MYH9: variants seen among roughly 807,000 people sequenced by gnomAD.
MYH9 encodes myosin-9.
MYH9 carries 29 observed loss-of-function variants against 241.9 expected under a neutral mutation model. The observed-to-expected ratio is 0.12, with a 90% CI of 0.09 to 0.16. The LOEUF (loss-of-function observed/expected upper bound fraction) is 0.16. Among genes scored for constraint, MYH9 ranks in the 10% least tolerant of loss-of-function variants. MYH9 has a pLI of 1.00. For synonymous variants in MYH9, 1,047 were observed against 1,062.6 expected (o/e 0.99, Z 0.29); for missense variants, 1,803 against 2,595.5 (o/e 0.69, Z 6.63).
At position 36,305,877 on chromosome 22, in the gene MYH9, T is replaced by TCACTG; in HGVS notation, c.2159+48_2159+52dup. On this transcript the variant is annotated intron_variant, in intron 17 of 40. Coordinates refer to ENST00000216181, the MANE Select transcript of MYH9 (RefSeq NM_002473.6). The surrounding 1 kb of genome is among the most constrained non-coding windows in gnomAD (Gnocchi z 4.7). ...GGGAGCAGCAGCCCACCTCTGGGAC[T>TCACTG]CACTGCACGCACAGCAGGGCCCAGG... 6.2e-7 allele frequency: 1 copy of TCACTG among 1,610,562 alleles called. No individual in the cohort carries two copies. Among genetic ancestry groups the TCACTG allele is most frequent in the East Asian group, 2.2e-5 (1 of 44,820 alleles).
intron 2 of MYH9, among the ~76,000 whole-genome samples, 188 bp downstream of exon 2, chr22:36,348,716 C>A (rs2017717979): frequency 6.6e-6 from 1 of 151,988 alleles, no homozygotes; most frequent in Non-Finnish European, 1.5e-5. Flanking sequence ...AAGAATAATG[C>A]TATAAGAACA....
intron 34 of MYH9, among the ~76,000 whole-genome samples, chr22:36,287,521 A>T (rs1440615823): frequency 2.6e-5 from 4 of 151,782 alleles, no homozygotes; most frequent in Non-Finnish European, 5.9e-5. Context: ...AGGCGGGTGG[A>T]TCACAAGGTC....
At chr22:36,355,944 T>C (rs866182834) in intron 1 of MYH9, among the ~76,000 whole-genome samples, 17 of 152,308 alleles carry the variant, frequency 1.1e-4, no homozygotes, top group African/African-American at 4.1e-4. Flanking sequence ...CCTTCCGACC[T>C]AAATTGCTGG....
At chr22:36,356,108 C>T (rs2017851471) in intron 1 of MYH9, among the ~76,000 whole-genome samples, 1 of 152,230 alleles carries the variant, frequency 6.6e-6, no homozygotes, top group African/African-American at 2.4e-5. Flanking sequence ...TCAGCCCAGA[C>T]ACTGGAAGCC....
intron 3 of MYH9, among the ~76,000 whole-genome samples, chr22:36,338,939 T>G (rs2017542128): frequency 6.6e-6 from 1 of 152,208 alleles, no homozygotes; most frequent in Admixed American, 6.5e-5. Flanking sequence ...ATTGCACAGA[T>G]GTACGAGGGT....
Position 36,285,386 on chromosome 22 carries a change from G to T in MYH9, c.5275-57C>A. The T allele has an allele frequency of 6.4e-7, 1 of 1,554,886 alleles. No individual in the cohort carries two copies. The highest frequency in any genetic ancestry group is 1.1e-5 in the South Asian group (1 of 89,984). ...GGCTGGGGCCCTGGCTGGAGGGCAT[G>T]AGCAGGGCCAGAGGAAGGTGGCAGC... On this transcript the variant is annotated intron_variant, in intron 37 of 40. Transcript: ENST00000216181. The surrounding 1 kb of genome is among the most constrained non-coding windows in gnomAD (Gnocchi z 7.0).
chr22:36,284,803 A>C (rs1431268042), intron 38 of MYH9, among the ~76,000 whole-genome samples: 1 of 152,112 alleles, frequency 6.6e-6, no homozygotes, highest in African/African-American at 2.4e-5. Context: ...CCCTCCAAGG[A>C]AGTCTCAGTC....
chr22:36,346,505 G>A lies in MYH9; in HGVS notation c.333+2399C>T, dbSNP rs556535984. Among the ~76,000 whole-genome samples, 27 of 152,306 alleles carry A rather than the reference G, an allele frequency of 1.8e-4. 1 individual carries two copies. In the South Asian group the frequency reaches 4.4e-3, roughly 25 times the overall value. On this transcript the variant is annotated intron_variant, in intron 2 of 40. Transcript: ENST00000216181. ...GCTGTCTCTGTAACAGAATGAGCCT[G>A]CCACCACCTGCTTTTATTACATATG...
At chr22:36,374,286 G>C (rs1278262763) in intron 1 of MYH9, among the ~76,000 whole-genome samples, 1 of 152,222 alleles carries the variant, frequency 6.6e-6, no homozygotes, top group Non-Finnish European at 1.5e-5. Flanking sequence ...GGGAGGCCAA[G>C]GTGGGCGGAT....
At position 36,288,926 on chromosome 22, in the gene MYH9, T is replaced by C; in HGVS notation, c.4571A>G (p.Glu1524Gly). The C allele has an allele frequency of 6.2e-7, 1 of 1,613,902 alleles. No individual in the cohort carries two copies. Among genetic ancestry groups the C allele is most frequent in the Non-Finnish European group, 8.5e-7 (1 of 1,180,016 alleles). Reference protein sequence around the residue: ...DDVGKSVHELEKSKRALEQQV... With the variant: ...DDVGKSVHELGKSKRALEQQV... ...CTGCTCTAGGGCCCGCTTGGACTTC[T>C]CCAGCTCGTGGACCTGAGCCCCAGA... is the stretch of plus-strand genomic sequence containing the variant. Residue 1524 changes from glutamate to glycine, a missense_variant, in exon 33 of 41, where the codon GAG (glutamate) becomes GGG (glycine). By Grantham distance (98) the Glu-to-Gly change is moderately conservative (BLOSUM62 -2). Around this residue, in one of 11 missense-constraint regions of MYH9, gnomAD observed 876 missense variants for 1,077.8 expected, o/e 0.81. Coordinates refer to ENST00000216181, the MANE Select transcript of MYH9 (RefSeq NM_002473.6). The surrounding 1 kb of genome is among the most constrained non-coding windows in gnomAD (Gnocchi z 4.8).
At position 36,281,810 on chromosome 22, in the gene MYH9, C is replaced by A. The variant is rs371270257; in HGVS notation, c.*858G>T. ...GTAGACACAAGATCGCCTGGGAGGG[C>A]CGCTGGCCCCTCTAACGCTCTGGCT... On this transcript the variant is annotated 3_prime_UTR_variant, in exon 41 of 41. Transcript: ENST00000216181. 14 of 231,370 alleles carry A rather than the reference C, an allele frequency of 6.1e-5. No individual in the cohort carries two copies. In the East Asian group the frequency reaches 6.1e-4, roughly 10 times the overall value. The allele number at this position is 231,370 out of a possible 1,614,324, so 14.3% of individuals were successfully genotyped here.
chr22:36,345,924 G>A (rs1029422744), intron 2 of MYH9, among the ~76,000 whole-genome samples: 3 of 152,146 alleles, frequency 2.0e-5, no homozygotes, highest in Non-Finnish European at 4.4e-5. Flanking sequence ...CGAGGTGGGC[G>A]GATCATGAGG....
chr22:36,353,008 G>C (rs1271803724), intron 1 of MYH9, among the ~76,000 whole-genome samples: 2 of 152,130 alleles, frequency 1.3e-5, no homozygotes, highest in African/African-American at 4.8e-5. Context: ...AAGCCCCCTC[G>C]GCCACCTGGG....
At position 36,281,531 on chromosome 22, in the gene MYH9, CGTAA is replaced by C. The variant is rs1376598889; in HGVS notation, c.*1133_*1136del. 1 of 227,902 alleles carries C rather than the reference CGTAA, an allele frequency of 4.4e-6. No homozygotes were observed. The highest frequency in any genetic ancestry group is 5.7e-5 in the Admixed American group (1 of 17,560). 14.1% of individuals were successfully genotyped at this position (227,902 alleles called of 1,614,324 possible). A position where few individuals can be genotyped will look rare whatever the true frequency, so the allele number is the denominator to read the frequency against. ...TTAAAAAAAAAAAATGCCTTCTTGC[CGTAA>C]GTCTCAATGCAGCATATACAAAACA... On this transcript the variant is annotated 3_prime_UTR_variant, in exon 41 of 41. Transcript: ENST00000216181.
At chr22:36,342,628 C>G (rs1159196067) in intron 2 of MYH9, among the ~76,000 whole-genome samples, 1 of 150,588 alleles carries the variant, frequency 6.6e-6, no homozygotes, top group Admixed American at 6.6e-5. Flanking sequence ...CCCTTTCCCC[C>G]ACCAAAAAAA....
Position 36,288,691 on chromosome 22 carries a change from T to C in MYH9, c.4770+36A>G. The C allele has an allele frequency of 6.3e-7, 1 of 1,598,604 alleles. No individual in the cohort carries two copies. The highest frequency in any genetic ancestry group is 8.5e-7 in the Non-Finnish European group (1 of 1,178,746). On this transcript the variant is annotated intron_variant, in intron 33 of 40. Coordinates refer to ENST00000216181, the MANE Select transcript of MYH9 (RefSeq NM_002473.6). This position sits in a 1 kb window ranked among gnomAD's most constrained non-coding sequence, Gnocchi z 4.8. ...AAGCCTGCGTGAAGCCAAGGCAGCC[T>C]TGGGCACCCATGGGGTAGCAGGAGG...
In MYH9 at chr22:36,306,200, C is replaced by T. The variant is rs2016966923; in HGVS notation, c.2038-149G>A. 7.1e-7 allele frequency: 1 copy of T among 1,410,822 alleles called. No individual in the cohort carries two copies. The highest frequency in any genetic ancestry group is 1.8e-5 in the Admixed American group (1 of 54,752). 87.4% of individuals were successfully genotyped at this position (1,410,822 alleles called of 1,614,324 possible). Reference sequence around the variant, plus strand: ...GGTTTGGACAATGAAGTCAAAGGATCCAGGTCTGGGAGGGGCCAATGCCAC... The same window carrying T: ...GGTTTGGACAATGAAGTCAAAGGATTCAGGTCTGGGAGGGGCCAATGCCAC... On this transcript the variant is annotated intron_variant, in intron 16 of 40. Transcript: ENST00000216181. This position sits in a 1 kb window ranked among gnomAD's most constrained non-coding sequence, Gnocchi z 4.1.
intron 5 of MYH9, among the ~76,000 whole-genome samples, chr22:36,324,706 C>T (rs548614775): frequency 1.3e-5 from 2 of 152,364 alleles, no homozygotes; most frequent in African/African-American, 4.8e-5. Context: ...GCAAGGAAAT[C>T]AACCAAACCG....
intron 2 of MYH9, among the ~76,000 whole-genome samples, chr22:36,343,639 C>T (rs2017626194): frequency 6.6e-6 from 1 of 151,998 alleles, no homozygotes; most frequent in African/African-American, 2.4e-5. Flanking sequence ...CCTTGATTTC[C>T]TTTCTTCCTG....
Sources: allele counts gnomAD v4.1 joint callset (sites outside exome capture counted in the v4.1 genomes callset), GRCh38; gene constraint gnomAD v4.1.1; regional missense constraint gnomAD v4.1.1; non-coding constraint Gnocchi (gnomAD v3.1); transcripts MANE v1.5; gene names NCBI Gene and HGNC (gene_info 2026-07-23, HGNC 2026-07-21).